PCIF1: variants seen among roughly 807,000 people sequenced by gnomAD.
The protein encoded by PCIF1 is phosphorylated CTD interacting factor 1.
PCIF1 carries 12 observed loss-of-function variants against 86.9 expected under a neutral mutation model. That is an observed-to-expected ratio of 0.14 (90% confidence interval 0.09 to 0.22). PCIF1 has a LOEUF of 0.22. Ranked by LOEUF, PCIF1 falls within the 10% of genes least tolerant of loss-of-function variation. The pLI, the probability that PCIF1 is intolerant of heterozygous loss-of-function variation, is 1.00. For synonymous variants in PCIF1, 397 were observed against 372.0 expected, an observed-to-expected ratio of 1.07 and a Z score of -0.77; for missense variants, 701 against 951.1, an observed-to-expected ratio of 0.74 and a Z score of 3.46.
In PCIF1 at chr20:45,943,597, C is replaced by G; in HGVS notation, c.906-69C>G. 1 of 1,450,168 alleles carries G rather than the reference C, an allele frequency of 6.9e-7. No individual in the cohort carries two copies. The allele number at this position is 1,450,168 out of a possible 1,614,324, so 89.8% of individuals were successfully genotyped here. ...AAGCTAGGGGTTGATACCCAGCGAG[C>G]CCATGGAATTGGGATGAGGAGGGTG... On this transcript the variant is annotated intron_variant, in intron 9 of 16. Transcript: ENST00000372409. The surrounding 1 kb of genome is among the most constrained non-coding windows in gnomAD (Gnocchi z 5.5).
At chr20:45,935,193 T>TGCGCGCGCGC (rs57434270) in intron 1 of PCIF1, among the ~76,000 whole-genome samples, 1 of 144,698 alleles carries the variant, frequency 6.9e-6, no homozygotes, top group African/African-American at 2.5e-5. Context: ...GAGGGGAAGG[T>TGCGCGCGCGC]GCGCGCGCGC....
chr20:45,940,581 A>T lies in PCIF1; in HGVS notation c.356A>T (p.Gln119Leu). ...AGAAAGCGGCAGCTCTCGGAAGAGC[A>T]GCCAAGCGGCAATGGTGTGAAGAAG... ...KPRKRQLSEE[Q>L]PSGNGVKKPK... The change falls in exon 5 of 17, where the codon CAG becomes CTG. Residue 119 changes from glutamine to leucine, a missense_variant. Gln to Leu is a moderately radical substitution (Grantham distance 113). Coordinates refer to ENST00000372409, the MANE Select transcript of PCIF1 (RefSeq NM_022104.4). 1.2e-6 allele frequency: 2 copies of T among 1,610,966 alleles called. No individual in the cohort carries two copies. The highest frequency in any genetic ancestry group is 1.7e-6 in the Non-Finnish European group (2 of 1,178,538).
At chr20:45,935,211 C>G (rs551776342) in intron 1 of PCIF1, among the ~76,000 whole-genome samples, 146 of 151,548 alleles carry the variant, frequency 9.6e-4, no homozygotes, top group African/African-American at 3.3e-3. Flanking sequence ...CGCGCGCGCG[C>G]TGGAGCTCGC....
At position 45,943,434 on chromosome 20, in the gene PCIF1, C is replaced by G; in HGVS notation, c.905+11C>G. The G allele has an allele frequency of 6.2e-7, 1 of 1,610,996 alleles. No homozygotes were observed. Among genetic ancestry groups the G allele is most frequent in the Admixed American group, 1.7e-5 (1 of 59,980 alleles). On this transcript the variant is annotated intron_variant, in intron 9 of 16. Coordinates refer to ENST00000372409, the MANE Select transcript of PCIF1 (RefSeq NM_022104.4). The surrounding 1 kb of genome is among the most constrained non-coding windows in gnomAD (Gnocchi z 5.5). ...GCTCATCGAGTCCAGGTTTGCCTGTCTTCTGCCCCAGGCGAGATGGGTCTG... is the reference window on the plus strand; with the variant it reads ...GCTCATCGAGTCCAGGTTTGCCTGTGTTCTGCCCCAGGCGAGATGGGTCTG...
chr20:45,947,837 C>A lies in PCIF1; in HGVS notation c.*82C>A. Reference sequence around the variant, plus strand: ...GGCCCCTGGGGCCTCAGAGGGACCCCGGCTGCCACTGACATATGAAGATTA... The same window carrying A: ...GGCCCCTGGGGCCTCAGAGGGACCCAGGCTGCCACTGACATATGAAGATTA... On this transcript the variant is annotated 3_prime_UTR_variant, in exon 17 of 17. Coordinates refer to ENST00000372409, the MANE Select transcript of PCIF1 (RefSeq NM_022104.4). This position sits in a 1 kb window ranked among gnomAD's most constrained non-coding sequence, Gnocchi z 5.4. 1.3e-6 allele frequency: 2 copies of A among 1,530,978 alleles called. No homozygotes were observed. The highest frequency in any genetic ancestry group is 2.4e-5 in the East Asian group (1 of 41,170). 94.8% of individuals were successfully genotyped at this position (1,530,978 alleles called of 1,614,324 possible).
intron 10 of PCIF1, among the ~76,000 whole-genome samples, chr20:45,944,448 C>T (rs1182208200): frequency 6.6e-6 from 1 of 152,204 alleles, no homozygotes; most frequent in African/African-American, 2.4e-5. Flanking sequence ...AAGTCTGCAG[C>T]AACCAAGCAC....
chr20:45,946,328 C>T lies in PCIF1; in HGVS notation c.1557C>T (p.Tyr519=), dbSNP rs757433767. 6.2e-7 allele frequency: 1 copy of T among 1,614,124 alleles called. No homozygotes were observed. Reference sequence around the variant, plus strand: ...GCTTCGCCTCACCCCTCAACTGCTACTTCCGCCAGTACTGTTCTGCCTTCC... The same window carrying T: ...GCTTCGCCTCACCCCTCAACTGCTATTTCCGCCAGTACTGTTCTGCCTTCC... ...FECFASPLNC[Y]FRQYCSAFPD... Residue 519 remains tyrosine, a synonymous_variant, in exon 14 of 17, where the codon TAC becomes TAT. Coordinates refer to ENST00000372409, the MANE Select transcript of PCIF1 (RefSeq NM_022104.4).
In PCIF1 at chr20:45,943,895, G is replaced by A. The variant is rs2083498318; in HGVS notation, c.1005+130G>A. The A allele has an allele frequency of 4.5e-6, 3 of 664,434 alleles. No individual in the cohort carries two copies. Among genetic ancestry groups the A allele is most frequent in the Non-Finnish European group, 7.7e-6 (3 of 387,458 alleles). The allele number at this position is 664,434 out of a possible 1,614,324, so 41.2% of individuals were successfully genotyped here. A position where few individuals can be genotyped will look rare whatever the true frequency, so the allele number is the denominator to read the frequency against. The stretch of plus-strand genomic sequence containing the variant: ...CCTATTCTTGTGCAGTATGGCAGAC[G>A]TTCGACATTCGTCAGTCCCCAAACT... On this transcript the variant is annotated intron_variant, in intron 10 of 16. Coordinates refer to ENST00000372409, the MANE Select transcript of PCIF1 (RefSeq NM_022104.4). This position sits in a 1 kb window ranked among gnomAD's most constrained non-coding sequence, Gnocchi z 5.5.
intron 2 of PCIF1, 138 bp from the exon 3 acceptor site, chr20:45,938,843 T>G (rs528299838): frequency 9.0e-7 from 1 of 1,109,992 alleles, no homozygotes; most frequent in Admixed American, 2.0e-5. Flanking sequence ...AGGGCTGCTG[T>G]GTGGCACCAT....
chr20:45,939,424 G>C, intron 4 of PCIF1, 85 bp downstream of exon 4: 2 of 1,579,520 alleles, frequency 1.3e-6, no homozygotes, highest in Non-Finnish European at 1.7e-6. Flanking sequence ...CAGCCGTTCA[G>C]TGCCCAGCCC....
Position 45,948,014 on chromosome 20 carries a change from C to G in PCIF1, c.*259C>G. On this transcript the variant is annotated 3_prime_UTR_variant, in exon 17 of 17. Coordinates refer to ENST00000372409, the MANE Select transcript of PCIF1 (RefSeq NM_022104.4). Reference sequence around the variant, plus strand: ...ATTTGTAAAAGGAAATACAGAAACCCCCCCAAGAATGTGTGAGGGTCTTGA... The same window carrying G: ...ATTTGTAAAAGGAAATACAGAAACCGCCCCAAGAATGTGTGAGGGTCTTGA... 1 of 1,469,980 alleles carries G rather than the reference C, an allele frequency of 6.8e-7. No individual in the cohort carries two copies. The highest frequency in any genetic ancestry group is 9.1e-7 in the Non-Finnish European group (1 of 1,096,654). The allele number at this position is 1,469,980 out of a possible 1,614,324, so 91.1% of individuals were successfully genotyped here.
chr20:45,937,675 C>T, intron 2 of PCIF1, 90 bp downstream of exon 2: 1 of 398,332 alleles, frequency 2.5e-6, no homozygotes, highest in Admixed American at 4.4e-5. Context: ...AGAATCAAGG[C>T]AGCTTCATTT....
At chr20:45,940,686 G>A in intron 5 of PCIF1, 74 bp downstream of exon 5, 2 of 1,576,336 alleles carry the variant, frequency 1.3e-6, no homozygotes, top group South Asian at 2.3e-5. Context: ...CCCTGCAGGG[G>A]CTGGGCATTG....
Position 45,943,420 on chromosome 20 carries a change from C to A in PCIF1, c.902C>A (p.Ser301Tyr). 1 of 1,612,646 alleles carries A rather than the reference C, an allele frequency of 6.2e-7. No individual in the cohort carries two copies. The highest frequency in any genetic ancestry group is 1.1e-5 in the South Asian group (1 of 91,016). The stretch of plus-strand genomic sequence containing the variant: ...GAGGCCGCCAGGCGGCTCATCGAGT[C>A]CAGGTTTGCCTGTCTTCTGCCCCAG... The part of the protein sequence containing the change: ...YAEAARRLIE[S>Y]RSASPDSRKV... Residue 301 changes from serine (S) to tyrosine (Y), a missense_variant, in exon 9 of 17, where the codon TCC (serine) becomes TAC (tyrosine). Physicochemically the swap from Ser to Tyr is moderately radical, Grantham distance 144. Coordinates refer to ENST00000372409, the MANE Select transcript of PCIF1 (RefSeq NM_022104.4). The surrounding 1 kb of genome is among the most constrained non-coding windows in gnomAD (Gnocchi z 5.5).
In PCIF1 at chr20:45,947,215, C is replaced by A; in HGVS notation, c.1708-48C>A. On this transcript the variant is annotated intron_variant, in intron 15 of 16. Transcript: ENST00000372409. The surrounding 1 kb of genome is among the most constrained non-coding windows in gnomAD (Gnocchi z 5.4). ...GGTGGGCAACAGGCAGGATTGCCAG[C>A]CACCTGGGAGGTAGTCCCTGACATC... 1 of 1,599,690 alleles carries A rather than the reference C, an allele frequency of 6.3e-7. No homozygotes were observed. The highest frequency in any genetic ancestry group is 8.6e-7 in the Non-Finnish European group (1 of 1,169,234).
chr20:45,937,991 T>G (rs757340691), intron 2 of PCIF1: 2 of 157,572 alleles, frequency 1.3e-5, no homozygotes, highest in Non-Finnish European at 2.8e-5. Context: ...TAAGCCTGCC[T>G]TTGTGGTCTT....
Position 45,934,726 on chromosome 20 carries a change from G to T in PCIF1, c.-266G>T. 2.5e-6 allele frequency: 1 copy of T among 398,960 alleles called. No individual in the cohort carries two copies. The highest frequency in any genetic ancestry group is 4.4e-5 in the Admixed American group (1 of 22,728). 24.7% of individuals were successfully genotyped at this position (398,960 alleles called of 1,614,324 possible). On this transcript the variant is annotated 5_prime_UTR_variant, in exon 1 of 17. Coordinates refer to ENST00000372409, the MANE Select transcript of PCIF1 (RefSeq NM_022104.4). Reference sequence around the variant, plus strand: ...ACACAAGATGGCGGCAGCGGCGCTGGGGAGGGCGAGGCGGAGGCGGCAAAA... The same window carrying T: ...ACACAAGATGGCGGCAGCGGCGCTGTGGAGGGCGAGGCGGAGGCGGCAAAA...
At chr20:45,945,144 C>T in intron 11 of PCIF1, 114 bp downstream of exon 11, 1 of 1,252,834 alleles carries the variant, frequency 8.0e-7, no homozygotes, top group East Asian at 2.6e-5. Context: ...GCAGAACCTG[C>T]CTGTGTCCTT....
rs1465910880 is a variant in PCIF1 at position 45,944,837 on chromosome 20, C to G, written c.1006-31C>G. 5.0e-6 allele frequency: 8 copies of G among 1,598,468 alleles called. No homozygotes were observed. The South Asian group carries it at 8.9e-5, about 18-fold the overall frequency. ...CCCAGCTGAGCCCCTCTGGCCTCCA[C>G]TAGCGCCCTGATCCAGAATGTGTCC... is the stretch of plus-strand genomic sequence containing the variant. On this transcript the variant is annotated intron_variant, in intron 10 of 16. Transcript: ENST00000372409.
Sources: allele counts gnomAD v4.1 joint callset (sites outside exome capture counted in the v4.1 genomes callset), GRCh38; gene constraint gnomAD v4.1.1; non-coding constraint Gnocchi (gnomAD v3.1); transcripts MANE v1.5; gene names NCBI Gene and HGNC (gene_info 2026-07-23, HGNC 2026-07-21).